Variants in ADAMTS17 observed in about 807,000 individuals in gnomAD.
ADAMTS17 encodes the protein ADAM metallopeptidase with thrombospondin type 1 motif 17.
Under a neutral mutation model 141.5 loss-of-function variants are expected in ADAMTS17, and 113 were observed. The ratio of observed to expected loss-of-function variants is 0.80; its 90% CI spans 0.69 to 0.93. The LOEUF (loss-of-function observed/expected upper bound fraction) is 0.93, where lower values mean the gene tolerates loss of function less well. Among genes scored for constraint, ADAMTS17 ranks in the 40% least tolerant of loss-of-function variants. The pLI is 0.00. For missense variants in ADAMTS17, 1,659 were observed against 1,517.9 expected (o/e 1.09, Z -1.54); for synonymous variants, 768 against 630.6 (o/e 1.22, Z -3.27).
At chr15:100,204,627 A>AT (rs1466674881) in intron 7 of ADAMTS17, among the ~76,000 whole-genome samples, 1 of 152,258 alleles carries the variant, frequency 6.6e-6, no homozygotes, top group East Asian at 1.9e-4. Flanking sequence ...CATTTAAAAT[A>AT]TAAGTCAAAA....
chr15:100,186,588 G>A (rs568809684), intron 8 of ADAMTS17, among the ~76,000 whole-genome samples: 2 of 152,228 alleles, frequency 1.3e-5, no homozygotes, highest in South Asian at 2.1e-4. Context: ...TGATTCCAGC[G>A]CCCGGGGCAG....
chr15:100,203,519 C>T (rs2041418799), intron 7 of ADAMTS17, among the ~76,000 whole-genome samples: 1 of 152,312 alleles, frequency 6.6e-6, no homozygotes, highest in East Asian at 1.9e-4. Flanking sequence ...TCCTGGCTAA[C>T]ATGGTGAAAC....
chr15:100,320,267 T>G (rs1006847985), intron 3 of ADAMTS17, among the ~76,000 whole-genome samples: 1 of 151,714 alleles, frequency 6.6e-6, no homozygotes, highest in Admixed American at 6.6e-5. Flanking sequence ...GGAGAAGACG[T>G]AGGTAATGGG....
intron 15 of ADAMTS17, among the ~76,000 whole-genome samples, chr15:100,088,763 G>A (rs189926272): frequency 0.032 from 4,796 of 152,218 alleles, 266 homozygotes; most frequent in African/African-American, 0.11. Context: ...TTAATTAATG[G>A]TGCTGGAAAA....
chr15:100,012,495 T>C (rs1291148845), intron 18 of ADAMTS17, among the ~76,000 whole-genome samples: 1 of 152,226 alleles, frequency 6.6e-6, no homozygotes, highest in Non-Finnish European at 1.5e-5. Flanking sequence ...AACGTTATCT[T>C]CTAGAATTTT....
chr15:100,120,526 G>A (rs1001063071), intron 12 of ADAMTS17, among the ~76,000 whole-genome samples: 11 of 152,202 alleles, frequency 7.2e-5, no homozygotes, highest in African/African-American at 2.7e-4. Flanking sequence ...GCTTCCAGGG[G>A]ATTTCCCTCC....
Position 100,121,698 on chromosome 15 carries a change from G to A in ADAMTS17, c.1722-4685C>T, listed in dbSNP as rs573501391. ...CCTGCATTACAATAAATGCTAAAGGGAGTCCTTCAAGTTCAAATGAAAGGA... is the reference window on the plus strand; with the variant it reads ...CCTGCATTACAATAAATGCTAAAGGAAGTCCTTCAAGTTCAAATGAAAGGA... On this transcript the variant is annotated intron_variant, in intron 12 of 21. Transcript: ENST00000268070. 5.9e-5 allele frequency among the ~76,000 whole-genome samples: 9 copies of A among 151,948 alleles called. No individual in the cohort carries two copies. In the East Asian group the frequency reaches 1.5e-3, roughly 26 times the overall value.
chr15:100,159,730 T>C (rs561347786), intron 8 of ADAMTS17, among the ~76,000 whole-genome samples: 2 of 152,334 alleles, frequency 1.3e-5, no homozygotes, highest in South Asian at 4.1e-4. Context: ...TGTCTCTTCA[T>C]AAGGGTCACA....
chr15:100,259,557 GCTA>G (rs1180017586), intron 6 of ADAMTS17, among the ~76,000 whole-genome samples: 3 of 152,214 alleles, frequency 2.0e-5, no homozygotes, highest in Non-Finnish European at 4.4e-5. Flanking sequence ...CCTGGTGCCT[GCTA>G]CTACATCAGC....
intron 10 of ADAMTS17, among the ~76,000 whole-genome samples, chr15:100,138,917 C>T (rs1003928268): frequency 6.6e-6 from 1 of 152,090 alleles, no homozygotes; most frequent in Admixed American, 6.5e-5. Context: ...CTTTAATATA[C>T]ATTTTAAAAA....
chr15:100,213,664 G>C (rs2041879302), intron 7 of ADAMTS17, among the ~76,000 whole-genome samples: 1 of 152,352 alleles, frequency 6.6e-6, no homozygotes, highest in South Asian at 2.1e-4. Context: ...GAGACGCAAA[G>C]CAAAAGCCTG....
chr15:100,169,664 C>T (rs751593634), intron 8 of ADAMTS17, among the ~76,000 whole-genome samples: 1 of 152,178 alleles, frequency 6.6e-6, no homozygotes, highest in African/African-American at 2.4e-5. Flanking sequence ...AGAACCGGCA[C>T]CTGCTAAGCT....
chr15:100,197,881 G>A (rs2141626018), intron 8 of ADAMTS17, among the ~76,000 whole-genome samples: 1 of 152,290 alleles, frequency 6.6e-6, no homozygotes, highest in East Asian at 1.9e-4. Flanking sequence ...GCAGGGACAT[G>A]GATGAAGCTG....
chr15:100,170,025 T>C (rs1314756984), intron 8 of ADAMTS17, among the ~76,000 whole-genome samples: 2 of 152,042 alleles, frequency 1.3e-5, no homozygotes, highest in Non-Finnish European at 2.9e-5. Context: ...AGACATTACC[T>C]GTGCCTACCC....
At chr15:100,333,714 G>A (rs543627205) in intron 2 of ADAMTS17, among the ~76,000 whole-genome samples, 16 of 152,306 alleles carry the variant, frequency 1.1e-4, no homozygotes, top group Admixed American at 4.6e-4. Context: ...TGTGACTCCC[G>A]TGTCACCATC....
intron 12 of ADAMTS17, among the ~76,000 whole-genome samples, chr15:100,118,955 C>T (rs920947947): frequency 6.6e-6 from 1 of 151,918 alleles, no homozygotes; most frequent in Non-Finnish European, 1.5e-5. Context: ...AGGGCACAGA[C>T]AAAATTAGTT....
chr15:100,306,179 G>T, intron 3 of ADAMTS17: 1 of 302,704 alleles, frequency 3.3e-6, no homozygotes, highest in Non-Finnish European at 6.6e-6. Flanking sequence ...CAGTTATAGA[G>T]GTGTGAAGAG....
At chr15:100,318,867 G>A (rs147544239) in intron 3 of ADAMTS17, among the ~76,000 whole-genome samples, 30 of 152,348 alleles carry the variant, frequency 2.0e-4, no homozygotes, top group African/African-American at 7.0e-4. Flanking sequence ...ACCCCAGAGT[G>A]GCTGGACAAC....
chr15:100,066,691 G>A (rs964332291), intron 15 of ADAMTS17, among the ~76,000 whole-genome samples: 1 of 152,164 alleles, frequency 6.6e-6, no homozygotes, highest in Non-Finnish European at 1.5e-5. Flanking sequence ...CTTCCCTTAT[G>A]ATACAGAGAA....
Sources: allele counts gnomAD v4.1 joint callset (sites outside exome capture counted in the v4.1 genomes callset), GRCh38; gene constraint gnomAD v4.1.1; transcripts MANE v1.5; gene names NCBI Gene and HGNC (gene_info 2026-07-23, HGNC 2026-07-21).